The following NUP98 variants were observed in gnomAD, a reference collection of about 807,000 sequenced individuals.
The protein encoded by NUP98 is nuclear pore complex protein Nup98-Nup96.
In NUP98, 26 loss-of-function variants were observed where a neutral mutation model predicts 191.9. The observed-to-expected ratio is 0.14, with a 90% CI of 0.10 to 0.19. The LOEUF is 0.19. Ranked by LOEUF, NUP98 falls within the 10% of genes least tolerant of loss-of-function variation. NUP98 has a pLI of 1.00. For missense variants in NUP98, 1,941 were observed against 2,178.8 expected (o/e 0.89, Z 2.17); for synonymous variants, 808 against 778.4 (o/e 1.04, Z -0.63).
chr11:3,703,927 A>G (rs1195113739), intron 22 of NUP98, among the ~76,000 whole-genome samples: 1 of 152,154 alleles, frequency 6.6e-6, no homozygotes, highest in East Asian at 1.9e-4. Context: ...GCCTCAAGCC[A>G]TCCTCCTTCC....
intron 7 of NUP98, among the ~76,000 whole-genome samples, chr11:3,769,640 G>A (rs943179877): frequency 1.3e-4 from 20 of 150,442 alleles, no homozygotes; most frequent in Non-Finnish European, 2.2e-4. Flanking sequence ...TGAAAAGTAC[G>A]TTAGGCTGGA....
intron 20 of NUP98, among the ~76,000 whole-genome samples, chr11:3,709,921 T>C (rs1411162453): frequency 1.4e-5 from 2 of 143,632 alleles, no homozygotes; most frequent in African/African-American, 5.2e-5. Context: ...CATGTATACA[T>C]ATGTAACTAA....
chr11:3,754,686 A>T (rs1191290231), intron 10 of NUP98, among the ~76,000 whole-genome samples: 3 of 152,112 alleles, frequency 2.0e-5, no homozygotes, highest in Admixed American at 1.3e-4. Context: ...TCACAACTGT[A>T]ATCCCAGCAC....
chr11:3,706,585 G>A lies in NUP98; in HGVS notation c.2785C>T (p.Leu929=), dbSNP rs889366497. Residue 929 remains leucine, a synonymous_variant, in exon 21 of 33, where the codon CTG becomes TTG. Coordinates refer to ENST00000324932, the MANE Select transcript of NUP98 (RefSeq NM_016320.5). Reference sequence around the variant, plus strand: ...GTGATATCTACCATGTCACTGTCCAGTTCCACAACCCTCCCTAACTGCTCC... The same window carrying A: ...GTGATATCTACCATGTCACTGTCCAATTCCACAACCCTCCCTAACTGCTCC... The part of the protein sequence containing the change: ...EVEQLGRVVE[L]DSDMVDITQE... The A allele has an allele frequency of 3.1e-6, 5 of 1,613,946 alleles. No individual in the cohort carries two copies. In the African/African-American group the frequency reaches 6.7e-5, roughly 22 times the overall value.
At chr11:3,703,239 C>CA (rs1258851572) in intron 22 of NUP98, among the ~76,000 whole-genome samples, 5 of 141,062 alleles carry the variant, frequency 3.5e-5, no homozygotes, top group Non-Finnish European at 6.0e-5. Context: ...TTTTTGGAGA[C>CA]AGAGTCTCGC....
chr11:3,772,293 G>A (rs1001444792), intron 6 of NUP98, among the ~76,000 whole-genome samples: 2 of 152,090 alleles, frequency 1.3e-5, no homozygotes, highest in African/African-American at 2.4e-5. Context: ...TAGATTCTGT[G>A]GGGCAAAAAA....
intron 11 of NUP98, among the ~76,000 whole-genome samples, chr11:3,746,161 C>A (rs186802773): frequency 6.7e-6 from 1 of 149,268 alleles, no homozygotes; most frequent in Non-Finnish European, 1.5e-5. Flanking sequence ...CCCAGCTACT[C>A]GGGAGGCTGA....
intron 11 of NUP98, among the ~76,000 whole-genome samples, chr11:3,750,313 G>A (rs1445446332): frequency 6.6e-6 from 1 of 151,528 alleles, no homozygotes; most frequent in African/African-American, 2.4e-5. Context: ...TACAGAGAGG[G>A]TCTCCCTACA....
chr11:3,771,681 C>A, intron 7 of NUP98, 67 bp downstream of exon 7: 1 of 1,412,848 alleles, frequency 7.1e-7, no homozygotes, highest in South Asian at 1.2e-5. Context: ...CCCAAAATGG[C>A]AATTATGTTT....
Position 3,797,195 on chromosome 11 carries a change from T to G in NUP98, c.-29+205A>C, listed in dbSNP as rs560617200. Among the ~76,000 whole-genome samples the G allele has an allele frequency of 5.9e-5, 9 of 152,352 alleles. No individual in the cohort carries two copies. The East Asian group carries it at 1.7e-3, about 29-fold the overall frequency. On this transcript the variant is annotated intron_variant, in intron 1 of 32. Coordinates refer to ENST00000324932, the MANE Select transcript of NUP98 (RefSeq NM_016320.5). ...CAGGCCTAGACCCCACTGATGTCCA[T>G]TCTCTCCCAGGGCCTCCAAAGCCGG...
chr11:3,706,633 G>A lies in NUP98; in HGVS notation c.2743-6C>T, dbSNP rs778459781. ...TCCACCTCTGGGCTCTGGCTCTGTA[G>A]ACAGCAGAAAGATCAGGAAAGCAGC... On this transcript the variant is annotated splice_region_variant and splice_polypyrimidine_tract_variant and intron_variant, in intron 20 of 32. Transcript: ENST00000324932. The A allele has an allele frequency of 1.2e-6, 2 of 1,612,442 alleles. No homozygotes were observed. The highest frequency in any genetic ancestry group is 8.5e-7 in the Non-Finnish European group (1 of 1,179,384).
At chr11:3,687,296 G>C (rs2078160361) in intron 28 of NUP98, among the ~76,000 whole-genome samples, 1 of 152,114 alleles carries the variant, frequency 6.6e-6, no homozygotes, top group Non-Finnish European at 1.5e-5. Flanking sequence ...TTCTCTATCA[G>C]ATCTACGAAT....
intron 11 of NUP98, among the ~76,000 whole-genome samples, chr11:3,746,899 G>A (rs1226165728): frequency 6.9e-6 from 1 of 144,480 alleles, no homozygotes; most frequent in East Asian, 2.0e-4. Flanking sequence ...GGCAAGAAGA[G>A]CAAAACGCAG....
At chr11:3,701,969 T>G (rs192499523) in intron 23 of NUP98, among the ~76,000 whole-genome samples, 88 of 152,060 alleles carry the variant, frequency 5.8e-4, no homozygotes, top group Non-Finnish European at 1.0e-3. Flanking sequence ...TTACAGGTTG[T>G]TTTTTATTTT....
chr11:3,758,789 C>CAG (rs1253455786), intron 10 of NUP98, among the ~76,000 whole-genome samples: 1 of 147,948 alleles, frequency 6.8e-6, no homozygotes, highest in Admixed American at 6.6e-5. Flanking sequence ...CAGAGAGAGA[C>CAG]AGAGAGACAG....
At chr11:3,727,527 G>A (rs1269036161) in intron 14 of NUP98, among the ~76,000 whole-genome samples, 1 of 152,076 alleles carries the variant, frequency 6.6e-6, no homozygotes, top group Non-Finnish European at 1.5e-5. Flanking sequence ...AACAATAACT[G>A]CATTGGACTG....
At chr11:3,753,869 G>A (rs1358583852) in intron 10 of NUP98, among the ~76,000 whole-genome samples, 4 of 149,774 alleles carry the variant, frequency 2.7e-5, no homozygotes, top group Non-Finnish European at 5.9e-5. Flanking sequence ...AACCCAGGAG[G>A]CAAAGGTTGC....
intron 8 of NUP98, among the ~76,000 whole-genome samples, chr11:3,763,763 G>GTCACGAACT (rs1425898844): frequency 6.6e-6 from 1 of 152,056 alleles, no homozygotes; most frequent in African/African-American, 2.4e-5. Flanking sequence ...GCCCAGGCTG[G>GTCACGAACT]TCACGAACTC....
At chr11:3,704,446 A>G (rs1339347892) in intron 22 of NUP98, among the ~76,000 whole-genome samples, 1 of 152,252 alleles carries the variant, frequency 6.6e-6, no homozygotes, top group Non-Finnish European at 1.5e-5. Flanking sequence ...AGTGAAAAGT[A>G]GAAATCTGAT....
Sources: allele counts gnomAD v4.1 joint callset (sites outside exome capture counted in the v4.1 genomes callset), GRCh38; gene constraint gnomAD v4.1.1; transcripts MANE v1.5; gene names NCBI Gene and HGNC (gene_info 2026-07-23, HGNC 2026-07-21).